Variants in SMOC2 observed in about 807,000 individuals in gnomAD.
SMOC2 encodes the protein SPARC-related modular calcium-binding protein 2.
Under a neutral mutation model 61.4 loss-of-function variants are expected in SMOC2, and 39 were observed. The ratio of observed to expected loss-of-function variants is 0.64; its 90% CI spans 0.49 to 0.83. SMOC2 has a LOEUF of 0.83. SMOC2 is among the 40% of genes least tolerant of loss of function. SMOC2 has a pLI of 0.00. For synonymous variants in SMOC2, 247 were observed against 239.9 expected, an observed-to-expected ratio of 1.03 and a Z score of -0.27; for missense variants, 556 against 592.9, an observed-to-expected ratio of 0.94 and a Z score of 0.65.
chr6:168,483,176 G>T (rs534628342), intron 1 of SMOC2, among the ~76,000 whole-genome samples: 1 of 151,702 alleles, frequency 6.6e-6, no homozygotes, highest in East Asian at 1.9e-4. Flanking sequence ...CCCTAACAAT[G>T]CTGTACACAC....
At chr6:168,551,695 C>G (rs1440414170) in intron 7 of SMOC2, among the ~76,000 whole-genome samples, 3 of 152,170 alleles carry the variant, frequency 2.0e-5, no homozygotes, top group African/African-American at 7.2e-5. Flanking sequence ...CTCAAGTGAT[C>G]TGCCTGCCTC....
chr6:168,603,581 G>A (rs1484809162), intron 8 of SMOC2, among the ~76,000 whole-genome samples: 1 of 152,132 alleles, frequency 6.6e-6, no homozygotes, highest in Non-Finnish European at 1.5e-5. Flanking sequence ...GGATACACCA[G>A]TGAACAAAAC....
intron 2 of SMOC2, among the ~76,000 whole-genome samples, chr6:168,523,909 A>C (rs1783395070): frequency 6.6e-6 from 1 of 152,174 alleles, no homozygotes; most frequent in Non-Finnish European, 1.5e-5. Flanking sequence ...TTTCCAGGGG[A>C]CAGTGTTGAA....
chr6:168,462,412 G>T (rs1781736745), intron 1 of SMOC2, among the ~76,000 whole-genome samples: 1 of 152,100 alleles, frequency 6.6e-6, no homozygotes, highest in Non-Finnish European at 1.5e-5. Context: ...ATCCTGCTGG[G>T]GCTCGGCCTC....
intron 1 of SMOC2, among the ~76,000 whole-genome samples, chr6:168,443,758 C>T (rs2114986898): frequency 6.6e-6 from 1 of 152,294 alleles, no homozygotes; most frequent in South Asian, 2.1e-4. Flanking sequence ...GGCCTTCTCT[C>T]CCTACGATTT....
At chr6:168,545,293 C>A (rs1311863114) in intron 5 of SMOC2, among the ~76,000 whole-genome samples, 2 of 151,754 alleles carry the variant, frequency 1.3e-5, no homozygotes, top group African/African-American at 4.8e-5. Flanking sequence ...AGTACATGGG[C>A]ATGAAAGTGA....
At chr6:168,530,619 A>G (rs890843865) in intron 4 of SMOC2, among the ~76,000 whole-genome samples, 8 of 148,432 alleles carry the variant, frequency 5.4e-5, no homozygotes, top group African/African-American at 2.0e-4. Context: ...TGGAAATGCA[A>G]ATTAAAGTCA....
chr6:168,590,892 C>T (rs1221442628), intron 7 of SMOC2, among the ~76,000 whole-genome samples: 1 of 152,090 alleles, frequency 6.6e-6, no homozygotes, highest in Non-Finnish European at 1.5e-5. Context: ...GGGAAACGAA[C>T]TCATATTTTT....
At chr6:168,627,464 C>G (rs1786444278) in intron 9 of SMOC2, among the ~76,000 whole-genome samples, 2 of 152,158 alleles carry the variant, frequency 1.3e-5, no homozygotes, top group Non-Finnish European at 2.9e-5. Context: ...CTGTATTACT[C>G]TCTGCGGGCA....
At position 168,523,079 on chromosome 6, in the gene SMOC2, A is replaced by ATTCTTTTTTTTTTTTTTTTTTT. The variant is rs551183247; in HGVS notation, c.257-3265_257-3264insCTTTTTTTTTTTTTTTTTTTTT. ...TTATGTTATTTGTAGTTGTACAGTA[A>ATTCTTTTTTTTTTTTTTTTTTT]TTTTTTTTTTTTTTTTTTTTGAGAC... On this transcript the variant is annotated intron_variant, in intron 2 of 12. Coordinates refer to ENST00000356284, the MANE Select transcript of SMOC2 (RefSeq NM_001166412.2). Among the ~76,000 whole-genome samples, 9 of 93,694 alleles carry ATTCTTTTTTTTTTTTTTTTTTT rather than the reference A, an allele frequency of 9.6e-5. 4 individuals carry two copies. Among genetic ancestry groups the ATTCTTTTTTTTTTTTTTTTTTT allele is most frequent in the East Asian group, 8.1e-4 (2 of 2,460 alleles). The allele number at this position is 93,694 out of a possible 152,430, so 61.5% of individuals were successfully genotyped here.
intron 9 of SMOC2, among the ~76,000 whole-genome samples, chr6:168,615,212 T>TACCTACAGCCAGCACGGGGCCTCTTCAC (rs1786039499): frequency 1.1e-4 from 4 of 37,906 alleles, no homozygotes; most frequent in East Asian, 8.5e-4. Flanking sequence ...GGCCTCTTTA[T>TACCTACAGCCAGCACGGGGCCTCTTCAC]ACCTACAGCC....
chr6:168,569,074 C>T (rs575081543), intron 7 of SMOC2, among the ~76,000 whole-genome samples: 32 of 152,278 alleles, frequency 2.1e-4, no homozygotes, highest in African/African-American at 7.0e-4. Context: ...ACTAAGAACA[C>T]GATTGGTGGA....
At chr6:168,504,975 A>AGTG (rs76180781) in intron 1 of SMOC2, among the ~76,000 whole-genome samples, 71,072 of 151,306 alleles carry the variant, frequency 0.47, 17,323 homozygotes, top group African/African-American at 0.57. Context: ...ATACATATAA[A>AGTG]GTGGTGCAGC....
chr6:168,461,179 G>C (rs1781711990), intron 1 of SMOC2, among the ~76,000 whole-genome samples: 1 of 152,222 alleles, frequency 6.6e-6, no homozygotes, highest in African/African-American at 2.4e-5. Flanking sequence ...GAGAGCTTGT[G>C]CAGGGGTACT....
In SMOC2 at chr6:168,611,919, G is replaced by A. The variant is rs535518642; in HGVS notation, c.907+3680G>A. ...TGTCCAGCTTGTTCCCACCTGGTGG[G>A]GCACAGCGTGTGGTGTGGGTGTGGA... On this transcript the variant is annotated intron_variant, in intron 9 of 12. Transcript: ENST00000356284. 1.2e-4 allele frequency among the ~76,000 whole-genome samples: 19 copies of A among 152,298 alleles called. No homozygotes were observed. In the South Asian group the frequency reaches 3.5e-3, roughly 28 times the overall value.
intron 9 of SMOC2, among the ~76,000 whole-genome samples, chr6:168,636,510 G>A (rs1002299042): frequency 1.3e-5 from 2 of 152,198 alleles, no homozygotes; most frequent in Non-Finnish European, 2.9e-5. Flanking sequence ...TGTTGTTTTG[G>A]ATAGGCTTCT....
At chr6:168,467,353 C>G (rs1405775662) in intron 1 of SMOC2, among the ~76,000 whole-genome samples, 9 of 151,600 alleles carry the variant, frequency 5.9e-5, no homozygotes, top group Admixed American at 5.9e-4. Flanking sequence ...GTCGCCCAGG[C>G]TGGAGTGCAG....
chr6:168,624,921 A>G (rs999496415), intron 9 of SMOC2, among the ~76,000 whole-genome samples: 5 of 151,978 alleles, frequency 3.3e-5, no homozygotes, highest in African/African-American at 1.2e-4. Flanking sequence ...ACAGACACAC[A>G]CATCCCCACA....
intron 9 of SMOC2, among the ~76,000 whole-genome samples, chr6:168,628,437 A>G (rs1786475188): frequency 6.6e-6 from 1 of 152,200 alleles, no homozygotes; most frequent in Admixed American, 6.5e-5. Context: ...GTTTGCTGTT[A>G]CAGTGATGGT....
Sources: allele counts gnomAD v4.1 joint callset (sites outside exome capture counted in the v4.1 genomes callset), GRCh38; gene constraint gnomAD v4.1.1; transcripts MANE v1.5; gene names NCBI Gene and HGNC (gene_info 2026-07-23, HGNC 2026-07-21).